The following FXN variants were observed in gnomAD, a reference collection of about 807,000 sequenced individuals.
FXN encodes frataxin, mitochondrial.
A neutral mutation model predicts 22.4 loss-of-function variants in FXN; 14 were observed. That is an observed-to-expected ratio of 0.62 (90% confidence interval 0.41 to 0.98). The LOEUF (loss-of-function observed/expected upper bound fraction) is 0.98, where lower values mean the gene tolerates loss of function less well. Ranked by LOEUF, FXN falls within the 50% of genes least tolerant of loss-of-function variation. FXN has a pLI of 0.00. For synonymous variants in FXN, 120 were observed against 114.1 expected (o/e 1.05, Z -0.33); for missense variants, 267 against 268.4 (o/e 0.99, Z 0.04).
chr9:69,078,036 C>G lies in FXN; in HGVS notation c.*5274C>G. The G allele has an allele frequency of 1.0e-6, 1 of 985,396 alleles. No individual in the cohort carries two copies. Among genetic ancestry groups the G allele is most frequent in the Non-Finnish European group, 1.2e-6 (1 of 829,910 alleles). The allele number at this position is 985,396 out of a possible 1,614,324, so 61.0% of individuals were successfully genotyped here. A position where few individuals can be genotyped will look rare whatever the true frequency, so the allele number is the denominator to read the frequency against. ...AATTACATTCCTTTCCTACCGCACT[C>G]TATGATGCTAGCTGAGATTTTTCCA... On this transcript the variant is annotated 3_prime_UTR_variant, in exon 5 of 5. Transcript: ENST00000484259.
chr9:69,075,566 T>A lies in FXN; in HGVS notation c.*2804T>A, dbSNP rs7849347. Reference sequence around the variant, plus strand: ...CAAACTGGAAAAGTACCACTGTGTGTACCAATAGCCTCCCCACCACAGACC... The same window carrying A: ...CAAACTGGAAAAGTACCACTGTGTGAACCAATAGCCTCCCCACCACAGACC... On this transcript the variant is annotated 3_prime_UTR_variant, in exon 5 of 5. Coordinates refer to ENST00000484259, the MANE Select transcript of FXN (RefSeq NM_000144.5). 1 of 984,622 alleles carries A rather than the reference T, an allele frequency of 1.0e-6. No homozygotes were observed. The highest frequency in any genetic ancestry group is 1.1e-4 in the East Asian group (1 of 8,778). The allele number at this position is 984,622 out of a possible 1,614,324, so 61.0% of individuals were successfully genotyped here. A position where few individuals can be genotyped will look rare whatever the true frequency, so the allele number is the denominator to read the frequency against.
rs1832412329 is a variant in FXN, at chr9:69,078,596, C to G, written c.*5834C>G. 1.0e-6 allele frequency: 1 copy of G among 985,596 alleles called. No individual in the cohort carries two copies. The highest frequency in any genetic ancestry group is 1.7e-5 in the African/African-American group (1 of 57,220). 61.1% of individuals were successfully genotyped at this position (985,596 alleles called of 1,614,324 possible). A position where few individuals can be genotyped will look rare whatever the true frequency, so the allele number is the denominator to read the frequency against. On this transcript the variant is annotated 3_prime_UTR_variant, in exon 5 of 5. Coordinates refer to ENST00000484259, the MANE Select transcript of FXN (RefSeq NM_000144.5). ...TGACTGAACTGTTCAGGCACTGACT[C>G]TACATATAATTATGCTTTTCTACCC... is the stretch of plus-strand genomic sequence containing the variant.
Position 69,051,978 on chromosome 9 carries a change from G to A in FXN, c.264-1162G>A, listed in dbSNP as rs145105781. On this transcript the variant is annotated intron_variant, in intron 2 of 4. Coordinates refer to ENST00000484259, the MANE Select transcript of FXN (RefSeq NM_000144.5). ...TTATCCTGCCTCAGCCTCCCGAGTA[G>A]CTGGGATTACAGGCTCGCCCCACCA... 2.2e-3 allele frequency among the ~76,000 whole-genome samples: 338 copies of A among 152,168 alleles called. 4 individuals are homozygous for A. The highest frequency in any genetic ancestry group is 7.4e-3 in the African/African-American group (308 of 41,508).
chr9:69,047,356 C>G (rs1831777197), intron 2 of FXN, among the ~76,000 whole-genome samples: 1 of 150,234 alleles, frequency 6.7e-6, no homozygotes, highest in Non-Finnish European at 1.5e-5. Flanking sequence ...CACAGACACA[C>G]ACACACACAC....
chr9:69,039,695 G>A (rs998485161), intron 1 of FXN, among the ~76,000 whole-genome samples: 2 of 152,048 alleles, frequency 1.3e-5, no homozygotes, highest in South Asian at 2.1e-4. Context: ...ACGGGGCTGC[G>A]TCTTTAACGT....
chr9:69,070,401 C>A (rs1362978332), intron 4 of FXN, among the ~76,000 whole-genome samples: 1 of 152,224 alleles, frequency 6.6e-6, no homozygotes, highest in Non-Finnish European at 1.5e-5. Flanking sequence ...GGCGCCCCGC[C>A]CACAGCTGAC....
At chr9:69,052,824 G>A (rs1470114149) in intron 2 of FXN, among the ~76,000 whole-genome samples, 13 of 151,672 alleles carry the variant, frequency 8.6e-5, no homozygotes, top group Non-Finnish European at 1.5e-4. Flanking sequence ...TTACAGGCAT[G>A]AGCTACCACG....
intron 3 of FXN, among the ~76,000 whole-genome samples, chr9:69,057,741 T>C (rs1457546833): frequency 1.2e-4 from 18 of 152,108 alleles, no homozygotes; most frequent in African/African-American, 3.1e-4. Context: ...CCCTGAGATA[T>C]AGCTAGAAGT....
At chr9:69,045,006 C>A (rs935007844) in intron 1 of FXN, among the ~76,000 whole-genome samples, 5 of 152,180 alleles carry the variant, frequency 3.3e-5, no homozygotes, top group African/African-American at 1.2e-4. Flanking sequence ...TGCCTCCCAG[C>A]CTCCTGCTAA....
chr9:69,041,204 G>A (rs1181910498), intron 1 of FXN, among the ~76,000 whole-genome samples: 1 of 152,158 alleles, frequency 6.6e-6, no homozygotes, highest in Non-Finnish European at 1.5e-5. Flanking sequence ...TTTTCTTAGA[G>A]TTTGACCTCC....
Position 69,035,837 on chromosome 9 carries a change from G to A in FXN, c.55G>A (p.Ala19Thr). 1 of 1,511,148 alleles carries A rather than the reference G, an allele frequency of 6.6e-7. No individual in the cohort carries two copies. The highest frequency in any genetic ancestry group is 8.8e-7 in the Non-Finnish European group (1 of 1,136,528). The allele number at this position is 1,511,148 out of a possible 1,614,324, so 93.6% of individuals were successfully genotyped here. A position where few individuals can be genotyped will look rare whatever the true frequency, so the allele number is the denominator to read the frequency against. Residue 19 changes from alanine to threonine, a missense_variant, in exon 1 of 5, where the codon GCC becomes ACC. Ala to Thr is a moderately conservative substitution (Grantham distance 58). Coordinates refer to ENST00000484259, the MANE Select transcript of FXN (RefSeq NM_000144.5). ...CGGCCTCCTGGCGTCACCCAGCCCA[G>A]CCCAGGCCCAGACCCTCACCCGGGT... is the stretch of plus-strand genomic sequence containing the variant. ...VAGLLASPSPAQAQTLTRVPR... is the reference protein window; with the variant it reads ...VAGLLASPSPTQAQTLTRVPR...
At chr9:69,038,137 C>G (rs1287340164) in intron 1 of FXN, among the ~76,000 whole-genome samples, 1 of 152,196 alleles carries the variant, frequency 6.6e-6, no homozygotes, top group Admixed American at 6.5e-5. Flanking sequence ...CTCTTTTTTT[C>G]TATACTGAAT....
At chr9:69,064,646 G>A (rs1832137566) in intron 3 of FXN, among the ~76,000 whole-genome samples, 1 of 152,126 alleles carries the variant, frequency 6.6e-6, no homozygotes. Flanking sequence ...CCTGAGACAG[G>A]TCACTTAACT....
chr9:69,066,124 G>C (rs956790036), intron 4 of FXN, among the ~76,000 whole-genome samples: 3 of 152,172 alleles, frequency 2.0e-5, no homozygotes, highest in Admixed American at 6.5e-5. Flanking sequence ...TGAAGTGGTT[G>C]TAAGAAAGTA....
chr9:69,048,613 GA>G lies in FXN; in HGVS notation c.263+2141del, dbSNP rs914460067. Among the ~76,000 whole-genome samples, 627 of 146,066 alleles carry G rather than the reference GA, an allele frequency of 4.3e-3. 3 individuals carry two copies. Among genetic ancestry groups the G allele is most frequent in the African/African-American group, 0.014 (573 of 39,840 alleles). ...AGCGAAATTCCATCTCTAAAAAAAA[GA>G]AAAAAAAAAGGCCTTAGATTCTCCC... On this transcript the variant is annotated intron_variant, in intron 2 of 4. Coordinates refer to ENST00000484259, the MANE Select transcript of FXN (RefSeq NM_000144.5).
intron 1 of FXN, among the ~76,000 whole-genome samples, chr9:69,042,263 A>G (rs187987913): frequency 2.0e-5 from 3 of 149,794 alleles, no homozygotes; most frequent in African/African-American, 4.9e-5. Flanking sequence ...AAGGAAGAAC[A>G]CTCATCCTAT....
At chr9:69,067,029 G>A (rs1049798670) in intron 4 of FXN, among the ~76,000 whole-genome samples, 1 of 152,210 alleles carries the variant, frequency 6.6e-6, no homozygotes, top group African/African-American at 2.4e-5. Context: ...AGTGGCCACC[G>A]CCGGATGGGA....
chr9:69,054,831 T>A (rs1831925523), intron 3 of FXN, among the ~76,000 whole-genome samples: 1 of 152,214 alleles, frequency 6.6e-6, no homozygotes, highest in Admixed American at 6.5e-5. Flanking sequence ...ATCCTCTTGA[T>A]GGCAATTGAC....
chr9:69,073,507 A>C lies in FXN; in HGVS notation c.*745A>C, dbSNP rs1393440956. The C allele has an allele frequency of 1.0e-6, 1 of 985,436 alleles. No individual in the cohort carries two copies. The highest frequency in any genetic ancestry group is 1.7e-5 in the African/African-American group (1 of 57,248). The allele number at this position is 985,436 out of a possible 1,614,324, so 61.0% of individuals were successfully genotyped here. A position where few individuals can be genotyped will look rare whatever the true frequency, so the allele number is the denominator to read the frequency against. On this transcript the variant is annotated 3_prime_UTR_variant, in exon 5 of 5. Transcript: ENST00000484259. ...GAAAAGAGGAAAAAAAGCCGTTTTC[A>C]TGAGCTGAGTGATGTAGCGTAACAA...
Sources: gnomAD v4.1 joint callset for allele counts (sites outside exome capture counted in the v4.1 genomes callset) on GRCh38, gnomAD v4.1.1 for gene constraint, MANE v1.5 for transcripts, NCBI Gene and HGNC (gene_info 2026-07-23, HGNC 2026-07-21) for gene names.